Variants in CDC25A observed in about 807,000 individuals in gnomAD.
CDC25A encodes the protein M-phase inducer phosphatase 1.
A neutral mutation model predicts 64.6 loss-of-function variants in CDC25A; 17 were observed. The observed-to-expected ratio is 0.26, with a 90% CI of 0.18 to 0.39. CDC25A has a LOEUF of 0.39. Ranked by LOEUF, CDC25A falls within the 10% of genes least tolerant of loss-of-function variation. The pLI is 1.00. For synonymous variants in CDC25A, 229 were observed against 238.6 expected (o/e 0.96, Z 0.37); for missense variants, 473 against 654.8 (o/e 0.72, Z 3.03).
intron 9 of CDC25A, 129 bp from the exon 10 acceptor site, chr3:48,168,073 T>C (rs2032105881): frequency 1.7e-6 from 1 of 600,154 alleles, no homozygotes; most frequent in Admixed American, 2.8e-5. Context: ...TTTTATTTTA[T>C]TTTATTGAAT....
chr3:48,165,955 T>C, intron 10 of CDC25A, 62 bp from the exon 11 acceptor site: 2 of 1,129,270 alleles, frequency 1.8e-6, no homozygotes, highest in Non-Finnish European at 2.7e-6. Flanking sequence ...ACACTTATAC[T>C]GTTTTGTCTG....
chr3:48,162,812 C>A (rs1235778775), intron 13 of CDC25A, among the ~76,000 whole-genome samples: 7 of 150,784 alleles, frequency 4.6e-5, no homozygotes, highest in African/African-American at 9.8e-5. Context: ...TGTGCCACTG[C>A]ACTCCAGCCT....
At chr3:48,181,740 T>G in intron 5 of CDC25A, 1 of 744,404 alleles carries the variant, frequency 1.3e-6, no homozygotes. Flanking sequence ...CTGGCTGAAT[T>G]ATAGAATGTT....
chr3:48,163,572 C>T (rs912928778), intron 13 of CDC25A, among the ~76,000 whole-genome samples: 1 of 151,954 alleles, frequency 6.6e-6, no homozygotes. Flanking sequence ...CCACTGCACT[C>T]CAGCCTGGGC....
chr3:48,158,791 T>C lies in CDC25A; in HGVS notation c.*154A>G, dbSNP rs541295691. The C allele has an allele frequency of 1.6e-3, 1,400 of 890,634 alleles. 2 individuals are homozygous for C. Among genetic ancestry groups the C allele is most frequent in the Non-Finnish European group, 2.1e-3 (1,222 of 578,094 alleles). 55.2% of individuals were successfully genotyped at this position (890,634 alleles called of 1,614,324 possible). On this transcript the variant is annotated 3_prime_UTR_variant, in exon 15 of 15. Coordinates refer to ENST00000302506, the MANE Select transcript of CDC25A (RefSeq NM_001789.3). The stretch of plus-strand genomic sequence containing the variant: ...CAGCAAGATGCCCTGGGCTCCAACC[T>C]TGGGAGTGTGGGAGGTAGGTTTAAG...
chr3:48,176,889 T>C lies in CDC25A; in HGVS notation c.756+482A>G, dbSNP rs578116656. 5.9e-5 allele frequency among the ~76,000 whole-genome samples: 9 copies of C among 151,580 alleles called. No individual in the cohort carries two copies. In the East Asian group the frequency reaches 1.8e-3, roughly 30 times the overall value. On this transcript the variant is annotated intron_variant, in intron 8 of 14. Coordinates refer to ENST00000302506, the MANE Select transcript of CDC25A (RefSeq NM_001789.3). ...GGGAGGCTGAGGCAGGAGAATCACT[T>C]GAACCTGGGAGGCAGAGGTTGCAGT...
Position 48,158,146 on chromosome 3 carries a change from C to A in CDC25A, c.*799G>T, listed in dbSNP as rs1044537133. The A allele has an allele frequency of 3.9e-5, 6 of 152,544 alleles. No homozygotes were observed. Among genetic ancestry groups the A allele is most frequent in the Non-Finnish European group, 8.8e-5 (6 of 68,048 alleles). The allele number at this position is 152,544 out of a possible 1,614,324, so 9.4% of individuals were successfully genotyped here. ...GGAACTGGGGTGAGGAAGAACAGGGCCACACCTCCCACCAAATAGATATCG... is the reference window on the plus strand; with the variant it reads ...GGAACTGGGGTGAGGAAGAACAGGGACACACCTCCCACCAAATAGATATCG... On this transcript the variant is annotated 3_prime_UTR_variant, in exon 15 of 15. Coordinates refer to ENST00000302506, the MANE Select transcript of CDC25A (RefSeq NM_001789.3).
chr3:48,187,287 G>C (rs1482936405), intron 1 of CDC25A, among the ~76,000 whole-genome samples: 1 of 152,232 alleles, frequency 6.6e-6, no homozygotes, highest in Non-Finnish European at 1.5e-5. Flanking sequence ...CAGCAGAGTG[G>C]ACATCAGGAA....
At chr3:48,178,053 T>A in intron 6 of CDC25A, 65 bp from the exon 7 acceptor site, 1 of 1,461,440 alleles carries the variant, frequency 6.8e-7, no homozygotes, top group Non-Finnish European at 9.3e-7. Flanking sequence ...CTTGAATGGG[T>A]CACTAGTTTT....
In CDC25A at chr3:48,177,159, C is replaced by CCCTCCTAA. The variant is rs2032494933; in HGVS notation, c.756+204_756+211dup. 3.9e-5 allele frequency among the ~76,000 whole-genome samples: 6 copies of CCCTCCTAA among 152,238 alleles called. No homozygotes were observed. The South Asian group carries it at 1.2e-3, about 32-fold the overall frequency. ...GGTAAAAGCTAGGAATGACCATGGTCCCTCCTAACCCACACTCCTTATACA... is the reference window on the plus strand; with the variant it reads ...GGTAAAAGCTAGGAATGACCATGGTCCCTCCTAACCTCCTAACCCACACTCCTTATACA... On this transcript the variant is annotated intron_variant, in intron 8 of 14. Coordinates refer to ENST00000302506, the MANE Select transcript of CDC25A (RefSeq NM_001789.3).
rs370788532 is a variant in CDC25A at position 48,177,490 on chromosome 3, C to T, written c.685-48G>A. Reference sequence around the variant, plus strand: ...TTTAAAAAGAGCCTGTAGAGACTAACATTTGTTTAAGTGCTTTAGGTGTGT... The same window carrying T: ...TTTAAAAAGAGCCTGTAGAGACTAATATTTGTTTAAGTGCTTTAGGTGTGT... On this transcript the variant is annotated intron_variant, in intron 7 of 14. Transcript: ENST00000302506. 8.3e-6 allele frequency: 12 copies of T among 1,442,570 alleles called. No individual in the cohort carries two copies. In the African/African-American group the frequency reaches 9.8e-5, roughly 12 times the overall value. The allele number at this position is 1,442,570 out of a possible 1,614,324, so 89.4% of individuals were successfully genotyped here. A position where few individuals can be genotyped will look rare whatever the true frequency, so the allele number is the denominator to read the frequency against.
In CDC25A at chr3:48,158,113, A is replaced by G. The variant is rs2106671426; in HGVS notation, c.*832T>C. The G allele has an allele frequency of 6.6e-6, 1 of 152,330 alleles. No homozygotes were observed. The highest frequency in any genetic ancestry group is 2.1e-4 in the South Asian group (1 of 4,814). The allele number at this position is 152,330 out of a possible 1,614,324, so 9.4% of individuals were successfully genotyped here. A position where few individuals can be genotyped will look rare whatever the true frequency, so the allele number is the denominator to read the frequency against. ...CCTGACTGTGGCTCCTATACCAGCC[A>G]ATGTCATGGAACTGGGGTGAGGAAG... On this transcript the variant is annotated 3_prime_UTR_variant, in exon 15 of 15. Transcript: ENST00000302506.
chr3:48,170,173 A>G lies in CDC25A; in HGVS notation c.931-2229T>C, dbSNP rs183148528. 2.0e-3 allele frequency among the ~76,000 whole-genome samples: 299 copies of G among 152,210 alleles called. 3 individuals are homozygous for G. The highest frequency in any genetic ancestry group is 6.7e-3 in the African/African-American group (277 of 41,510). On this transcript the variant is annotated intron_variant, in intron 9 of 14. Coordinates refer to ENST00000302506, the MANE Select transcript of CDC25A (RefSeq NM_001789.3). ...CCCAGATATGAGGGGATTTCTCCCTACCAGCAAGCAAGCAAGCAAGCAAGC... is the reference window on the plus strand; with the variant it reads ...CCCAGATATGAGGGGATTTCTCCCTGCCAGCAAGCAAGCAAGCAAGCAAGC...
chr3:48,181,328 C>G (rs1406109240), intron 5 of CDC25A, among the ~76,000 whole-genome samples: 1 of 151,092 alleles, frequency 6.6e-6, no homozygotes, highest in Non-Finnish European at 1.5e-5. Context: ...GTGGACGATT[C>G]TTACAAGCAT....
chr3:48,186,266 T>C (rs1337279115), intron 2 of CDC25A, among the ~76,000 whole-genome samples: 1 of 152,214 alleles, frequency 6.6e-6, no homozygotes, highest in African/African-American at 2.4e-5. Flanking sequence ...GGCTCCTTTG[T>C]ATTGTTCTCA....
chr3:48,162,489 C>T (rs1286675381), intron 13 of CDC25A, among the ~76,000 whole-genome samples: 1 of 152,124 alleles, frequency 6.6e-6, no homozygotes, highest in Non-Finnish European at 1.5e-5. Flanking sequence ...CTGCCTCGGC[C>T]TCCCAAAGTG....
intron 9 of CDC25A, among the ~76,000 whole-genome samples, chr3:48,169,248 A>C (rs1315051033): frequency 3.9e-5 from 6 of 152,236 alleles, no homozygotes; most frequent in African/African-American, 1.4e-4. Context: ...TAGCTAATTA[A>C]TGAGGAAAGA....
At chr3:48,173,329 C>G (rs1302846829) in intron 9 of CDC25A, among the ~76,000 whole-genome samples, 7 of 151,582 alleles carry the variant, frequency 4.6e-5, no homozygotes, top group Non-Finnish European at 1.5e-5. Context: ...CATTTCAGGT[C>G]AAAAGTTATG....
intron 9 of CDC25A, among the ~76,000 whole-genome samples, chr3:48,170,690 G>A (rs1303053033): frequency 6.6e-6 from 1 of 152,130 alleles, no homozygotes; most frequent in East Asian, 1.9e-4. Context: ...TCTCCTTTCC[G>A]TAGATATTGG....
Sources: allele counts gnomAD v4.1 joint callset (sites outside exome capture counted in the v4.1 genomes callset), GRCh38; gene constraint gnomAD v4.1.1; transcripts MANE v1.5; gene names NCBI Gene and HGNC (gene_info 2026-07-23, HGNC 2026-07-21).